The following ITGA11 variants were observed in gnomAD, a reference collection of about 807,000 sequenced individuals.
The protein encoded by ITGA11 is integrin alpha-11.
A neutral mutation model predicts 141.9 loss-of-function variants in ITGA11; 97 were observed. The ratio of observed to expected loss-of-function variants is 0.68; its 90% CI spans 0.58 to 0.81. ITGA11 has a LOEUF of 0.81. Among genes scored for constraint, ITGA11 ranks in the 30% least tolerant of loss-of-function variants. The probability of loss-of-function intolerance (pLI) is 0.00; values close to 1 mark genes in which losing one functional copy is unlikely to be tolerated. For missense variants in ITGA11, 1,387 were observed against 1,559.2 expected (o/e 0.89, Z 1.86); for synonymous variants, 658 against 624.6 (o/e 1.05, Z -0.80).
intron 11 of ITGA11, among the ~76,000 whole-genome samples, chr15:68,338,432 C>A (rs1175697784): frequency 6.6e-6 from 1 of 152,258 alleles, no homozygotes; most frequent in East Asian, 1.9e-4. Flanking sequence ...CTGATGGCAT[C>A]AACTGCAGGT....
rs1320062857 is a variant in ITGA11 at position 68,358,525 on chromosome 15, C to A, written c.533G>T (p.Trp178Leu). 1.9e-6 allele frequency: 3 copies of A among 1,614,146 alleles called. No homozygotes were observed. Among genetic ancestry groups the A allele is most frequent in the Non-Finnish European group, 1.7e-6 (2 of 1,179,998 alleles). ...VLDGSNSIYP[W>L]VEVQHFLINI... is the part of the protein sequence containing the mutation. ...GATGAGGAAGTGCTGAACCTCCACC[C>A]AGGGGTAGATGCTGTTGGAGCCATC... Residue 178 changes from tryptophan (W) to leucine (L), a missense_variant, in exon 6 of 30, where the codon TGG (tryptophan) becomes TTG (leucine). Transcript: ENST00000315757.
chr15:68,398,521 A>G (rs1896379301), intron 2 of ITGA11, among the ~76,000 whole-genome samples: 1 of 151,078 alleles, frequency 6.6e-6, no homozygotes. Flanking sequence ...AGTGACCTAC[A>G]AAGAGACTTA....
At chr15:68,344,074 C>CTAGGGCACAGCCTGAGGATA (rs1384554734) in intron 10 of ITGA11, among the ~76,000 whole-genome samples, 9 of 152,120 alleles carry the variant, frequency 5.9e-5, no homozygotes, top group African/African-American at 2.2e-4. Flanking sequence ...GGAGTGGGCA[C>CTAGGGCACAGCCTGAGGATA]TAGGGCACAG....
In ITGA11 at chr15:68,331,014, G is replaced by T; in HGVS notation, c.1868C>A (p.Ala623Glu). 6.2e-7 allele frequency: 1 copy of T among 1,613,818 alleles called. No homozygotes were observed. The highest frequency in any genetic ancestry group is 8.5e-7 in the Non-Finnish European group (1 of 1,179,822). ...CACAGCGTTGCCAAGGGCTCCCACT[G>T]CCAGGTCGATGAGCCCATCCTCATT... ...DLNEDGLIDLAVGALGNAVIL... is the reference protein window; with the variant it reads ...DLNEDGLIDLEVGALGNAVIL... The change falls in exon 15 of 30, where the codon GCA becomes GAA. Residue 623 changes from alanine (A) to glutamate (E), a missense_variant. Coordinates refer to ENST00000315757, the MANE Select transcript of ITGA11 (RefSeq NM_001004439.2).
intron 20 of ITGA11, among the ~76,000 whole-genome samples, chr15:68,317,817 G>A (rs1490592798): frequency 6.6e-6 from 1 of 152,152 alleles, no homozygotes; most frequent in Non-Finnish European, 1.5e-5. Flanking sequence ...TGCACTGTTG[G>A]GCATTACCTG....
chr15:68,320,824 T>C (rs1162994285), intron 19 of ITGA11, among the ~76,000 whole-genome samples: 1 of 152,230 alleles, frequency 6.6e-6, no homozygotes, highest in East Asian at 1.9e-4. Context: ...TTATTATCTA[T>C]GTCATGGTAT....
chr15:68,391,667 G>T (rs1490043359), intron 2 of ITGA11, among the ~76,000 whole-genome samples: 7 of 152,174 alleles, frequency 4.6e-5, no homozygotes, highest in African/African-American at 1.7e-4. Flanking sequence ...GCTAGGAAAA[G>T]GATTCAGAAA....
chr15:68,313,533 C>T lies in ITGA11; in HGVS notation c.2882+246G>A, dbSNP rs1169125155. 3.9e-5 allele frequency among the ~76,000 whole-genome samples: 6 copies of T among 152,196 alleles called. No homozygotes were observed. In the South Asian group the frequency reaches 8.3e-4, roughly 21 times the overall value. ...CCACTGCCCCCACCCTCCCTTCTTGCCCCTGCTGGGAGCTCCCCAGGGCCG... is the reference window on the plus strand; with the variant it reads ...CCACTGCCCCCACCCTCCCTTCTTGTCCCTGCTGGGAGCTCCCCAGGGCCG... On this transcript the variant is annotated intron_variant, in intron 23 of 29. Coordinates refer to ENST00000315757, the MANE Select transcript of ITGA11 (RefSeq NM_001004439.2).
chr15:68,368,990 A>T (rs1212922476), intron 3 of ITGA11, among the ~76,000 whole-genome samples, 194 bp downstream of exon 3: 1 of 151,270 alleles, frequency 6.6e-6, no homozygotes, highest in Middle Eastern at 3.4e-3. Context: ...AAGCTGTGTG[A>T]CTGTGGAAAA....
chr15:68,391,543 T>C (rs1365010488), intron 2 of ITGA11, among the ~76,000 whole-genome samples: 2 of 152,138 alleles, frequency 1.3e-5, no homozygotes, highest in African/African-American at 2.4e-5. Flanking sequence ...TGCAGGGAGA[T>C]GAAGCTGGTG....
intron 15 of ITGA11, among the ~76,000 whole-genome samples, chr15:68,330,430 T>G (rs1331129809): frequency 6.6e-6 from 1 of 152,120 alleles, no homozygotes; most frequent in Non-Finnish European, 1.5e-5. Context: ...TTCTTTATGT[T>G]ATTATATTTA....
intron 2 of ITGA11, among the ~76,000 whole-genome samples, chr15:68,387,260 TC>T (rs1896008243): frequency 6.6e-6 from 1 of 152,082 alleles, no homozygotes; most frequent in Non-Finnish European, 1.5e-5. Context: ...CAGCCCCATC[TC>T]CGCTGTCTCT....
At chr15:68,358,683 C>T in intron 5 of ITGA11, 98 bp from the exon 6 acceptor site, 2 of 1,304,546 alleles carry the variant, frequency 1.5e-6, no homozygotes, top group Non-Finnish European at 2.1e-6. Flanking sequence ...AATGACTCTG[C>T]TCCATATGTG....
chr15:68,410,349 G>A (rs977479084), intron 1 of ITGA11, among the ~76,000 whole-genome samples: 3 of 152,198 alleles, frequency 2.0e-5, no homozygotes, highest in Non-Finnish European at 4.4e-5. Context: ...GGGATGGGGT[G>A]AGGGAGGTGG....
chr15:68,322,255 T>C lies in ITGA11; in HGVS notation c.2323-752A>G, dbSNP rs748725374. On this transcript the variant is annotated intron_variant, in intron 18 of 29. Transcript: ENST00000315757. This position sits in a 1 kb window ranked among gnomAD's most constrained non-coding sequence, Gnocchi z 5.6. ...GGTCATTCCTTGCAACTGGTAGGAG[T>C]CGCCGAATGCCTCAGGCAGGGAATG... 2.0e-5 allele frequency among the ~76,000 whole-genome samples: 3 copies of C among 151,598 alleles called. No individual in the cohort carries two copies. The highest frequency in any genetic ancestry group is 4.4e-5 in the Non-Finnish European group (3 of 67,872).
rs1235865872 is a variant in ITGA11 at position 68,321,321 on chromosome 15, G to A, written c.2408+97C>T. On this transcript the variant is annotated intron_variant, in intron 19 of 29. Coordinates refer to ENST00000315757, the MANE Select transcript of ITGA11 (RefSeq NM_001004439.2). This position sits in a 1 kb window ranked among gnomAD's most constrained non-coding sequence, Gnocchi z 4.9. ...ATGTTTGATCCATGCTGCCTGTGAG[G>A]AGGATGTCCAGGAAATAATCCAGGG... The A allele has an allele frequency of 4.4e-6, 3 of 676,366 alleles. No homozygotes were observed. The East Asian group carries it at 9.6e-5, about 22-fold the overall frequency. The allele number at this position is 676,366 out of a possible 1,614,324, so 41.9% of individuals were successfully genotyped here. A position where few individuals can be genotyped will look rare whatever the true frequency, so the allele number is the denominator to read the frequency against.
rs1893012703 is a variant in ITGA11 at position 68,301,007 on chromosome 15, TAA to T, written c.*2050_*2051del. 1 of 152,244 alleles carries T rather than the reference TAA, an allele frequency of 6.6e-6. No individual in the cohort carries two copies. The highest frequency in any genetic ancestry group is 6.5e-5 in the Admixed American group (1 of 15,290). 9.4% of individuals were successfully genotyped at this position (152,244 alleles called of 1,614,324 possible). The stretch of plus-strand genomic sequence containing the variant: ...TCATTTAGCCAGGTTACCCCATTCA[TAA>T]GAGTGATGACGGAAATGGAATATGA... On this transcript the variant is annotated 3_prime_UTR_variant, in exon 30 of 30. Coordinates refer to ENST00000315757, the MANE Select transcript of ITGA11 (RefSeq NM_001004439.2). This position sits in a 1 kb window ranked among gnomAD's most constrained non-coding sequence, Gnocchi z 4.4.
In ITGA11 at chr15:68,423,187, T is replaced by G. The variant is rs572162543; in HGVS notation, c.52+8828A>C. On this transcript the variant is annotated intron_variant, in intron 1 of 29. Transcript: ENST00000315757. ...GGGATACAGTGGCTAATTACAGATA[T>G]GGTCCCTGTTCTCCTGGTGCTCCCT... is the stretch of plus-strand genomic sequence containing the variant. Among the ~76,000 whole-genome samples, 4 of 152,316 alleles carry G rather than the reference T, an allele frequency of 2.6e-5. No individual in the cohort carries two copies. The South Asian group carries it at 8.3e-4, about 32-fold the overall frequency.
At chr15:68,363,913 C>T (rs1276837236) in intron 4 of ITGA11, among the ~76,000 whole-genome samples, 5 of 152,144 alleles carry the variant, frequency 3.3e-5, no homozygotes, top group African/African-American at 1.2e-4. Flanking sequence ...GCTGTCTGTC[C>T]CCCAAAGTCC....
Sources: gnomAD v4.1 joint callset for allele counts (sites outside exome capture counted in the v4.1 genomes callset) on GRCh38, gnomAD v4.1.1 for gene constraint, Gnocchi (gnomAD v3.1) non-coding constraint, MANE v1.5 for transcripts, NCBI Gene and HGNC (gene_info 2026-07-23, HGNC 2026-07-21) for gene names.